PCDHA2: variants seen among roughly 807,000 people sequenced by gnomAD.
PCDHA2 encodes protocadherin alpha-2.
A neutral mutation model predicts 66.0 loss-of-function variants in PCDHA2; 58 were observed. That is an observed-to-expected ratio of 0.88 (90% confidence interval 0.71 to 1.09). The LOEUF (loss-of-function observed/expected upper bound fraction) is 1.09, where lower values mean the gene tolerates loss of function less well. Ranked by LOEUF, PCDHA2 falls within the 50% of genes least tolerant of loss-of-function variation. The pLI, the probability that PCDHA2 is intolerant of heterozygous loss-of-function variation, is 0.00. For missense variants in PCDHA2, 1,267 were observed against 1,242.3 expected (o/e 1.02, Z -0.30); for synonymous variants, 634 against 554.0 (o/e 1.14, Z -2.03).
intron 1 of PCDHA2, chr5:140,927,894 C>A (rs372774238): frequency 1.2e-6 from 2 of 1,614,208 alleles, no homozygotes; most frequent in East Asian, 2.2e-5. Context: ...CTGACGTGAA[C>A]GATCATGCCC....
intron 1 of PCDHA2, chr5:140,866,593 A>T (rs527619239): frequency 4.0e-4 from 61 of 152,276 alleles, no homozygotes; most frequent in African/African-American, 1.4e-3. Context: ...ATGTAATTCT[A>T]ATCTGTTGGT....
chr5:140,836,323 T>C (rs2150257810), intron 1 of PCDHA2: 1 of 1,613,710 alleles, frequency 6.2e-7, no homozygotes, highest in South Asian at 1.1e-5. Context: ...CGCCACCGCC[T>C]TCTGGTGCTT....
chr5:140,928,547 A>T (rs782813761), intron 1 of PCDHA2: 5 of 1,614,206 alleles, frequency 3.1e-6, no homozygotes, highest in Middle Eastern at 3.3e-4. Context: ...AATGACAATT[A>T]TCCGGTTATC....
At chr5:140,800,548 T>C (rs1762569881) in intron 1 of PCDHA2, among the ~76,000 whole-genome samples, 1 of 152,210 alleles carries the variant, frequency 6.6e-6, no homozygotes, top group African/African-American at 2.4e-5. Context: ...GGATCTGATT[T>C]TTCTATAAAA....
At chr5:140,806,564 C>T (rs1033670620) in intron 1 of PCDHA2, among the ~76,000 whole-genome samples, 1 of 152,128 alleles carries the variant, frequency 6.6e-6, no homozygotes, top group Non-Finnish European at 1.5e-5. Flanking sequence ...ATTTCCCTGT[C>T]AATAGCTTGT....
intron 1 of PCDHA2, chr5:140,863,096 G>A (rs1554157719): frequency 5.2e-6 from 3 of 578,170 alleles, no homozygotes; most frequent in South Asian, 1.4e-5. Flanking sequence ...AGCACGACGA[G>A]TACCCTGGAC....
At chr5:140,985,832 C>T (rs760290757) in intron 3 of PCDHA2, among the ~76,000 whole-genome samples, 4 of 151,378 alleles carry the variant, frequency 2.6e-5, no homozygotes, top group African/African-American at 4.9e-5. Flanking sequence ...CTCTGCCTCC[C>T]GGGTTCATGC....
At chr5:140,948,371 T>G (rs1310252601) in intron 1 of PCDHA2, among the ~76,000 whole-genome samples, 1 of 151,586 alleles carries the variant, frequency 6.6e-6, no homozygotes, top group Non-Finnish European at 1.5e-5. Flanking sequence ...TTAGGAGGTG[T>G]TCCTTCCTCT....
At position 140,796,218 on chromosome 5, in the gene PCDHA2, G is replaced by C; in HGVS notation, c.1254G>C (p.Val418=). 6.2e-7 allele frequency: 1 copy of C among 1,614,210 alleles called. No homozygotes were observed. The highest frequency in any genetic ancestry group is 8.5e-7 in the Non-Finnish European group (1 of 1,180,054). The change falls in exon 1 of 4, where the codon GTG becomes GTC. Residue 418 remains valine (V), a synonymous_variant. Coordinates refer to ENST00000526136, the MANE Select transcript of PCDHA2 (RefSeq NM_018905.3). The stretch of plus-strand genomic sequence containing the variant: ...ACAGCGCCCTGGACCGCGAGAGCGT[G>C]TCAGCCTATGAGCTGGTGGTGACCG... The part of the protein sequence containing the change: ...VLDSALDRES[V]SAYELVVTAR...
At chr5:140,834,416 C>A (rs2150217412) in intron 1 of PCDHA2, 5 of 1,611,158 alleles carry the variant, frequency 3.1e-6, no homozygotes, top group Admixed American at 1.7e-5. Context: ...ACCCAGGGGG[C>A]CGACATCTAC....
chr5:140,795,899 A>T lies in PCDHA2; in HGVS notation c.935A>T (p.Glu312Val), dbSNP rs781797873. 1 of 1,613,962 alleles carries T rather than the reference A, an allele frequency of 6.2e-7. No homozygotes were observed. The change falls in exon 1 of 4, where the codon GAA becomes GTA. Residue 312 changes from glutamate to valine, a missense_variant. Coordinates refer to ENST00000526136, the MANE Select transcript of PCDHA2 (RefSeq NM_018905.3). ...IRTKGKLDYEEAKSYEIQVTA... is the reference protein window; with the variant it reads ...IRTKGKLDYEVAKSYEIQVTA... ...ACTAAGGGAAAATTAGATTATGAAG[A>T]AGCAAAGTCCTACGAGATTCAGGTC...
intron 1 of PCDHA2, chr5:140,927,490 C>T: frequency 3.1e-6 from 5 of 1,614,132 alleles, no homozygotes; most frequent in Non-Finnish European, 4.2e-6. Context: ...CGCCACCCAC[C>T]TGCTGGTGCT....
At chr5:140,857,963 A>G (rs630162) in intron 1 of PCDHA2, 997,914 of 1,595,004 alleles carry the variant, frequency 0.63, 344,648 homozygotes, top group African/African-American at 0.69. Context: ...TCTGGATGAG[A>G]CTGACTCGCC....
At chr5:140,979,175 A>C in intron 2 of PCDHA2, 168 bp downstream of exon 2, 8 of 951,628 alleles carry the variant, frequency 8.4e-6, no homozygotes, top group Non-Finnish European at 1.0e-5. Flanking sequence ...AAAGATCGCA[A>C]ATGGTCAGTG....
rs186179297 is a variant in PCDHA2, at chr5:140,987,139, G to A, written c.2536+4576G>A. Among the ~76,000 whole-genome samples the A allele has an allele frequency of 5.1e-4, 78 of 151,932 alleles. 3 individuals are homozygous for A. The East Asian group carries it at 0.014, about 28-fold the overall frequency. On this transcript the variant is annotated intron_variant, in intron 3 of 3. Transcript: ENST00000526136. The stretch of plus-strand genomic sequence containing the variant: ...TGAGGCAGGAGAATTGCTTGAACTC[G>A]GGAGGTGGAGGTTGCAGTGAGCTGA...
At chr5:140,856,128 G>C in intron 1 of PCDHA2, 1 of 1,598,140 alleles carries the variant, frequency 6.3e-7, no homozygotes, top group Non-Finnish European at 8.6e-7. Context: ...GAGGTGGGGA[G>C]CGGCCAGCTC....
At chr5:140,890,767 T>A (rs1342716029) in intron 1 of PCDHA2, among the ~76,000 whole-genome samples, 3 of 152,210 alleles carry the variant, frequency 2.0e-5, no homozygotes, top group African/African-American at 7.2e-5. Context: ...AAAAATATTT[T>A]AAAACCCCAT....
chr5:140,807,595 A>G (rs1205314334), intron 1 of PCDHA2: 3 of 1,614,194 alleles, frequency 1.9e-6, no homozygotes, highest in Non-Finnish European at 2.5e-6. Flanking sequence ...TCCCAGCAAC[A>G]CAAAAGAACC....
At chr5:140,803,426 C>T (rs782209415) in intron 1 of PCDHA2, 38 of 1,614,080 alleles carry the variant, frequency 2.4e-5, no homozygotes, top group Non-Finnish European at 4.2e-6. Context: ...TGTGCTCCAG[C>T]GCGGTGGGGA....
Sources: gnomAD v4.1 joint callset for allele counts (sites outside exome capture counted in the v4.1 genomes callset) on GRCh38, gnomAD v4.1.1 for gene constraint, MANE v1.5 for transcripts, NCBI Gene and HGNC (gene_info 2026-07-23, HGNC 2026-07-21) for gene names.